Variants in CCDC66 observed in about 807,000 individuals in gnomAD.
CCDC66 encodes the protein coiled-coil domain-containing protein 66.
CCDC66 carries 133 observed loss-of-function variants against 128.3 expected under a neutral mutation model. That is an observed-to-expected ratio of 1.04 (90% confidence interval 0.90 to 1.20). CCDC66 has a LOEUF of 1.20. CCDC66 is among the 50% of genes most tolerant of loss of function. The pLI, the probability that CCDC66 is intolerant of heterozygous loss-of-function variation, is 0.00. For synonymous variants in CCDC66, 387 were observed against 357.0 expected (o/e 1.08, Z -0.95); for missense variants, 1,126 against 1,075.5 (o/e 1.05, Z -0.66).
chr3:56,585,899 T>G (rs1231022620), intron 7 of CCDC66, among the ~76,000 whole-genome samples: 1 of 151,862 alleles, frequency 6.6e-6, no homozygotes. Flanking sequence ...TACAAGAATT[T>G]TGTGGTTAGA....
chr3:56,559,621 T>C (rs1487014378), intron 3 of CCDC66, 27 bp downstream of exon 3: 2 of 1,500,046 alleles, frequency 1.3e-6, no homozygotes, highest in Non-Finnish European at 8.9e-7. Context: ...TGACCTGACC[T>C]GTTTTCAAAT....
intron 7 of CCDC66, among the ~76,000 whole-genome samples, chr3:56,590,746 G>A (rs1240398822): frequency 6.6e-6 from 1 of 150,834 alleles, no homozygotes; most frequent in African/African-American, 2.4e-5. Context: ...GTGAGACCCT[G>A]CCTAAAAAAA....
chr3:56,584,011 CG>C (rs1362010024), intron 7 of CCDC66, among the ~76,000 whole-genome samples: 1 of 66,464 alleles, frequency 1.5e-5, no homozygotes, highest in Non-Finnish European at 3.2e-5. Context: ...GCTGGCCGGG[CG>C]GGGGGCTGCC....
At chr3:56,588,683 G>T (rs918575653) in intron 7 of CCDC66, among the ~76,000 whole-genome samples, 1 of 152,158 alleles carries the variant, frequency 6.6e-6, no homozygotes, top group Non-Finnish European at 1.5e-5. Flanking sequence ...CATGAGTTTT[G>T]ATGGGGACAC....
chr3:56,578,873 T>C (rs2067843471), intron 7 of CCDC66, among the ~76,000 whole-genome samples: 1 of 151,846 alleles, frequency 6.6e-6, no homozygotes, highest in Non-Finnish European at 1.5e-5. Context: ...AAAATTCTCT[T>C]TTTTTGTTGT....
At position 56,564,063 on chromosome 3, in the gene CCDC66, T is replaced by C. The variant is rs371159686; in HGVS notation, c.482T>C (p.Leu161Ser). ...ACACAAGACCAACTACAACAGATTTTGATGACTGTAAACCAAGGAAATAGA... is the reference window on the plus strand; with the variant it reads ...ACACAAGACCAACTACAACAGATTTCGATGACTGTAAACCAAGGAAATAGA... ...CLTQDQLQQI[L>S]MTVNQGNRSL... Residue 161 changes from leucine to serine, a missense_variant, in exon 4 of 18, where the codon TTG (leucine) becomes TCG (serine). Physicochemically the swap from Leu to Ser is moderately radical, Grantham distance 145. Coordinates refer to ENST00000394672, the MANE Select transcript of CCDC66 (RefSeq NM_001141947.3). The C allele has an allele frequency of 1.2e-6, 2 of 1,613,898 alleles. No homozygotes were observed. The highest frequency in any genetic ancestry group is 1.3e-5 in the African/African-American group (1 of 74,930).
intron 7 of CCDC66, among the ~76,000 whole-genome samples, chr3:56,592,305 A>G (rs987500275): frequency 1.3e-5 from 2 of 152,202 alleles, no homozygotes; most frequent in South Asian, 2.1e-4. Flanking sequence ...ATGTAAAACA[A>G]TATTCATCTG....
rs187683278 is a variant in CCDC66, at chr3:56,558,749, A to G, written c.12-97A>G. On this transcript the variant is annotated intron_variant, in intron 1 of 17. Transcript: ENST00000394672. Reference sequence around the variant, plus strand: ...TACAAGATTCCTGCATAAATTCAAAATAATGGATTTATTGTCAGGTTCAAA... The same window carrying G: ...TACAAGATTCCTGCATAAATTCAAAGTAATGGATTTATTGTCAGGTTCAAA... 7 of 869,860 alleles carry G rather than the reference A, an allele frequency of 8.0e-6. No individual in the cohort carries two copies. In the East Asian group the frequency reaches 1.6e-4, roughly 20 times the overall value. The allele number at this position is 869,860 out of a possible 1,614,324, so 53.9% of individuals were successfully genotyped here. A position where few individuals can be genotyped will look rare whatever the true frequency, so the allele number is the denominator to read the frequency against.
intron 3 of CCDC66, chr3:56,560,923 CTTCA>C: frequency 4.4e-6 from 2 of 456,598 alleles, no homozygotes; most frequent in South Asian, 3.1e-5. Flanking sequence ...CCACTTTATC[CTTCA>C]ACTCTAAGCC....
intron 7 of CCDC66, among the ~76,000 whole-genome samples, chr3:56,582,742 T>G (rs902337948): frequency 6.6e-6 from 1 of 151,392 alleles, no homozygotes; most frequent in African/African-American, 2.4e-5. Context: ...GCTTTCTTGA[T>G]GAGTAGATAC....
At chr3:56,599,473 G>A (rs1434158717) in intron 10 of CCDC66, among the ~76,000 whole-genome samples, 3 of 151,724 alleles carry the variant, frequency 2.0e-5, no homozygotes, top group Admixed American at 6.6e-5. Flanking sequence ...TTCCTTTTAG[G>A]TACATCATTA....
chr3:56,602,857 C>T (rs1387148953), intron 10 of CCDC66, among the ~76,000 whole-genome samples: 33 of 125,676 alleles, frequency 2.6e-4, no homozygotes, highest in African/African-American at 5.4e-4. Flanking sequence ...TTTTTTGAGA[C>T]AGAGTGTTGC....
In CCDC66 at chr3:56,613,694, C is replaced by T. The variant is rs765969408; in HGVS notation, c.1510C>T (p.Arg504Cys). Reference sequence around the variant, plus strand: ...AGAGGAGCTTCGCTTAGCACAGGAACGTGAAGAGATGCAGAAACAGTATGA... The same window carrying T: ...AGAGGAGCTTCGCTTAGCACAGGAATGTGAAGAGATGCAGAAACAGTATGA... Reference protein sequence around the residue: ...QEEELRLAQEREEMQKQYEED... With the variant: ...QEEELRLAQECEEMQKQYEED... Residue 504 changes from arginine to cysteine, a missense_variant, in exon 11 of 18, where the codon CGT becomes TGT. Transcript: ENST00000394672. 8.1e-6 allele frequency: 13 copies of T among 1,613,992 alleles called. No individual in the cohort carries two copies. The highest frequency in any genetic ancestry group is 9.3e-6 in the Non-Finnish European group (11 of 1,179,930).
chr3:56,573,363 A>G (rs2066896151), intron 7 of CCDC66, among the ~76,000 whole-genome samples: 1 of 152,252 alleles, frequency 6.6e-6, no homozygotes, highest in Non-Finnish European at 1.5e-5. Flanking sequence ...CAGCATGGCC[A>G]TTCTGACAGG....
At chr3:56,619,180 C>A in intron 15 of CCDC66, 91 bp from the exon 16 acceptor site, 2 of 1,094,722 alleles carry the variant, frequency 1.8e-6, no homozygotes, top group Non-Finnish European at 2.6e-6. Context: ...GGCAACAGAG[C>A]GAGACTTCAT....
At position 56,571,202 on chromosome 3, in the gene CCDC66, A is replaced by T; in HGVS notation, c.836A>T (p.Lys279Met). 1 of 1,526,178 alleles carries T rather than the reference A, an allele frequency of 6.6e-7. No homozygotes were observed. Among genetic ancestry groups the T allele is most frequent in the Non-Finnish European group, 8.9e-7 (1 of 1,119,400 alleles). 94.5% of individuals were successfully genotyped at this position (1,526,178 alleles called of 1,614,324 possible). A position where few individuals can be genotyped will look rare whatever the true frequency, so the allele number is the denominator to read the frequency against. ...ACAGATGAACAGGTTGCTTTAAAGA[A>T]GAAAGAAAAAGAAGTTTCTGAAAAA... The part of the protein sequence containing the change: ...KELDEQVALK[K>M]KEKEVSEKWN... The change falls in exon 7 of 18, where the codon AAG (lysine) becomes ATG (methionine). Residue 279 changes from lysine to methionine, a missense_variant. By Grantham distance (95) the Lys-to-Met change is moderately conservative. Coordinates refer to ENST00000394672, the MANE Select transcript of CCDC66 (RefSeq NM_001141947.3).
rs894572322 is a variant in CCDC66, at chr3:56,566,754, T to C, written c.705T>C (p.Ile235=). 2.1e-5 allele frequency: 33 copies of C among 1,609,414 alleles called. No individual in the cohort carries two copies. The highest frequency in any genetic ancestry group is 2.7e-5 in the Non-Finnish European group (32 of 1,177,774). Residue 235 remains isoleucine (I), a synonymous_variant, in exon 5 of 18, where the codon ATT becomes ATC. Coordinates refer to ENST00000394672, the MANE Select transcript of CCDC66 (RefSeq NM_001141947.3). The stretch of plus-strand genomic sequence containing the variant: ...CATCTAAACAGTGTGAGCAAAAAAT[T>C]GCCATGTATGTAACTCCTATCTGTT... ...QETSKQCEQK[I]AIENEWKPAD... is the part of the protein sequence containing the mutation.
Position 56,557,200 on chromosome 3 carries a change from C to T in CCDC66, c.-43C>T. 1.9e-6 allele frequency: 3 copies of T among 1,551,202 alleles called. No homozygotes were observed. The highest frequency in any genetic ancestry group is 8.7e-7 in the Non-Finnish European group (1 of 1,146,964). The stretch of plus-strand genomic sequence containing the variant: ...GAGCGGCGGCGGCAACCGACGTACA[C>T]AAGGGGCTTGAGCGTTCTGTGGAGA... On this transcript the variant is annotated 5_prime_UTR_variant, in exon 1 of 18. Transcript: ENST00000394672.
intron 1 of CCDC66, 24 bp from the exon 2 acceptor site, chr3:56,558,822 G>T: frequency 6.6e-7 from 1 of 1,506,728 alleles, no homozygotes; most frequent in South Asian, 1.2e-5. Context: ...AAAAATGAGA[G>T]ACAACTTTCT....
Sources: gnomAD v4.1 joint callset for allele counts (sites outside exome capture counted in the v4.1 genomes callset) on GRCh38, gnomAD v4.1.1 for gene constraint, MANE v1.5 for transcripts, NCBI Gene and HGNC (gene_info 2026-07-23, HGNC 2026-07-21) for gene names.